MTERF1: variants seen among roughly 807,000 people sequenced by gnomAD.
MTERF1 encodes the protein transcription termination factor 1, mitochondrial.
MTERF1 carries 29 observed loss-of-function variants against 31.6 expected under a neutral mutation model. That is an observed-to-expected ratio of 0.92 (90% CI 0.68 to 1.25). The LOEUF is 1.25. Among genes scored for constraint, MTERF1 ranks in the 50% most tolerant of loss-of-function variants. MTERF1 has a pLI of 0.00. For missense variants in MTERF1, 500 were observed against 469.1 expected (o/e 1.07, Z -0.61); for synonymous variants, 152 against 164.1 (o/e 0.93, Z 0.57).
chr7:91,873,884 C>T lies in MTERF1; in HGVS notation c.910G>A (p.Gly304Arg). Residue 304 changes from glycine to arginine, a missense_variant, in exon 3 of 3, where the codon GGA (glycine) becomes AGA (arginine). Coordinates refer to ENST00000351870, the MANE Select transcript of MTERF1 (RefSeq NM_006980.5). ...ANIKEKLFSL[G>R]CTEEEVQKFV... ...TTCTGTACCTCTTCTTCAGTACATC[C>T]AAGAGAAAACAGCTTCTCTTTGATG... is the stretch of plus-strand genomic sequence containing the variant. 6.2e-7 allele frequency: 1 copy of T among 1,614,008 alleles called. No homozygotes were observed. The highest frequency in any genetic ancestry group is 8.5e-7 in the Non-Finnish European group (1 of 1,180,022).
chr7:91,877,004 G>C lies in MTERF1; in HGVS notation c.30-2240C>G, dbSNP rs111934145. 1.3e-5 allele frequency: 11 copies of C among 859,912 alleles called. 1 individual carries two copies. The highest frequency in any genetic ancestry group is 1.3e-4 in the African/African-American group (7 of 54,752). 53.3% of individuals were successfully genotyped at this position (859,912 alleles called of 1,614,324 possible). On this transcript the variant is annotated intron_variant, in intron 2 of 2. Coordinates refer to ENST00000351870, the MANE Select transcript of MTERF1 (RefSeq NM_006980.5). ...CTAGAGAGGTCCAAGATGATACAAT[G>C]GGATGGAGGAAGAAAATAGTTAAAA...
intron 2 of MTERF1, among the ~76,000 whole-genome samples, chr7:91,876,159 T>C (rs1310851715): frequency 6.6e-6 from 1 of 152,234 alleles, no homozygotes. Context: ...AACTTATTTA[T>C]AATCATAACC....
chr7:91,880,338 G>T (rs79868287), intron 1 of MTERF1: 8 of 486,382 alleles, frequency 1.6e-5, no homozygotes, highest in Non-Finnish European at 2.6e-5. Context: ...TTGTACCAAA[G>T]CTAAGTGCTT....
At position 91,873,010 on chromosome 7, in the gene MTERF1, TATA is replaced by T. The variant is rs1481875760; in HGVS notation, c.*581_*583del. On this transcript the variant is annotated 3_prime_UTR_variant, in exon 3 of 3. Transcript: ENST00000351870. ...CAGAAGGGTAGGTAGATTTTTTAAATATAATTACTCTTATAAAAGGAAGAAATA... is the reference window on the plus strand; with the variant it reads ...CAGAAGGGTAGGTAGATTTTTTAAATATTACTCTTATAAAAGGAAGAAATA... 2.0e-5 allele frequency: 3 copies of T among 152,222 alleles called. No homozygotes were observed. Among genetic ancestry groups the T allele is most frequent in the African/African-American group, 7.2e-5 (3 of 41,454 alleles). 9.4% of individuals were successfully genotyped at this position (152,222 alleles called of 1,614,324 possible). A position where few individuals can be genotyped will look rare whatever the true frequency, so the allele number is the denominator to read the frequency against.
chr7:91,874,973 T>G (rs1369263639), intron 2 of MTERF1, among the ~76,000 whole-genome samples: 1 of 151,800 alleles, frequency 6.6e-6, no homozygotes. Flanking sequence ...CTTTGAAAAA[T>G]TCTACATGTT....
At position 91,873,478 on chromosome 7, in the gene MTERF1, TA is replaced by T; in HGVS notation, c.*115del. 1.1e-6 allele frequency: 1 copy of T among 893,908 alleles called. No individual in the cohort carries two copies. Among genetic ancestry groups the T allele is most frequent in the Non-Finnish European group, 1.7e-6 (1 of 603,792 alleles). The allele number at this position is 893,908 out of a possible 1,614,324, so 55.4% of individuals were successfully genotyped here. The stretch of plus-strand genomic sequence containing the variant: ...TTAGGCCCTCCAAAGTAATTCAGGA[TA>T]ATCTCCCCATCTCAAGGCCCTTAAT... On this transcript the variant is annotated 3_prime_UTR_variant, in exon 3 of 3. Coordinates refer to ENST00000351870, the MANE Select transcript of MTERF1 (RefSeq NM_006980.5).
At position 91,873,446 on chromosome 7, in the gene MTERF1, AATTAT is replaced by A. The variant is rs1241349049; in HGVS notation, c.*143_*147del. ...CTCTTCAACTTTTAAAGATCCCTAC[AATTAT>A]ATTAGGCCCTCCAAAGTAATTCAGG... On this transcript the variant is annotated 3_prime_UTR_variant, in exon 3 of 3. Transcript: ENST00000351870. 3 of 704,450 alleles carry A rather than the reference AATTAT, an allele frequency of 4.3e-6. No individual in the cohort carries two copies. In the Admixed American group the frequency reaches 9.4e-5, roughly 22 times the overall value. 43.6% of individuals were successfully genotyped at this position (704,450 alleles called of 1,614,324 possible).
chr7:91,873,882 T>G lies in MTERF1; in HGVS notation c.912A>C (p.Gly304=). ...ANIKEKLFSL[G]CTEEEVQKFV... is the part of the protein sequence containing the mutation. ...ACTTCTGTACCTCTTCTTCAGTACA[T>G]CCAAGAGAAAACAGCTTCTCTTTGA... The change falls in exon 3 of 3, where the codon GGA becomes GGC. Residue 304 remains glycine (G), a synonymous_variant. Coordinates refer to ENST00000351870, the MANE Select transcript of MTERF1 (RefSeq NM_006980.5). 6.2e-7 allele frequency: 1 copy of G among 1,614,110 alleles called. No homozygotes were observed.
rs1262701551 is a variant in MTERF1 at position 91,874,421 on chromosome 7, T to C, written c.373A>G (p.Ile125Val). The change falls in exon 3 of 3, where the codon ATA becomes GTA. Residue 125 changes from isoleucine (I) to valine (V), a missense_variant. Transcript: ENST00000351870. ...GASKEVIASI[I>V]SRYPRAITRT... ...GTTATTGCTCGTGGATATCTTGATA[T>C]GATGCTAGCGATCACTTCTTTGCTA... 6.2e-7 allele frequency: 1 copy of C among 1,614,150 alleles called. No individual in the cohort carries two copies. Among genetic ancestry groups the C allele is most frequent in the Non-Finnish European group, 8.5e-7 (1 of 1,180,014 alleles).
chr7:91,878,589 T>C (rs543877400), intron 2 of MTERF1, among the ~76,000 whole-genome samples: 19 of 152,260 alleles, frequency 1.2e-4, no homozygotes, highest in Admixed American at 1.2e-3. Flanking sequence ...AATGCCAGCA[T>C]TTTGGAAAGC....
At chr7:91,879,190 A>G (rs1372386026) in intron 2 of MTERF1, among the ~76,000 whole-genome samples, 1 of 152,164 alleles carries the variant, frequency 6.6e-6, no homozygotes, top group African/African-American at 2.4e-5. Flanking sequence ...AAGGATGACC[A>G]TCATAACATT....
At position 91,871,902 on chromosome 7, in the gene MTERF1, T is replaced by C. The variant is rs1006640390; in HGVS notation, c.*1692A>G. The C allele has an allele frequency of 1.3e-5, 2 of 152,230 alleles. No individual in the cohort carries two copies. The highest frequency in any genetic ancestry group is 2.9e-5 in the Non-Finnish European group (2 of 68,056). 9.4% of individuals were successfully genotyped at this position (152,230 alleles called of 1,614,324 possible). ...AGGTGACTGGATCATAAGGGCTATG[T>C]CATCAGAAATTGATTAATCTATTCA... On this transcript the variant is annotated 3_prime_UTR_variant, in exon 3 of 3. Coordinates refer to ENST00000351870, the MANE Select transcript of MTERF1 (RefSeq NM_006980.5).
intron 2 of MTERF1, among the ~76,000 whole-genome samples, chr7:91,876,012 T>A (rs1389613624): frequency 6.6e-6 from 1 of 152,214 alleles, no homozygotes; most frequent in Admixed American, 6.5e-5. Flanking sequence ...CCCTTCTCCA[T>A]CACCATATTA....
rs373525668 is a variant in MTERF1, at chr7:91,875,174, C to T, written c.30-410G>A. ...GAATTGTTCTTGCTTTTTTCTTGCTCTTTTTGTTTACCTTTGCCTGCCTTG... is the reference window on the plus strand; with the variant it reads ...GAATTGTTCTTGCTTTTTTCTTGCTTTTTTTGTTTACCTTTGCCTGCCTTG... On this transcript the variant is annotated intron_variant, in intron 2 of 2. Transcript: ENST00000351870. 2.5e-4 allele frequency among the ~76,000 whole-genome samples: 38 copies of T among 152,220 alleles called. No homozygotes were observed. The South Asian group carries it at 7.5e-3, about 30-fold the overall frequency.
chr7:91,880,237 T>A (rs2269811), intron 1 of MTERF1, 124 bp from the exon 2 acceptor site: 1 of 698,148 alleles, frequency 1.4e-6, no homozygotes, highest in Non-Finnish European at 2.4e-6. Context: ...CATTACCTCT[T>A]GCAAACAACA....
At chr7:91,879,987 C>A in intron 2 of MTERF1, 68 bp downstream of exon 2, 1 of 1,580,030 alleles carries the variant, frequency 6.3e-7, no homozygotes, top group South Asian at 1.1e-5. Context: ...CCCTAAAATA[C>A]CACATTCCAG....
At position 91,873,777 on chromosome 7, in the gene MTERF1, G is replaced by GT; in HGVS notation, c.1016dup (p.Asn339LysfsTer3). 1 of 1,614,062 alleles carries GT rather than the reference G, an allele frequency of 6.2e-7. No homozygotes were observed. Among genetic ancestry groups the GT allele is most frequent in the South Asian group, 1.1e-5 (1 of 91,076 alleles). On this transcript the variant is annotated frameshift_variant, in exon 3 of 3. Transcript: ENST00000351870. LOFTEE classifies it high-confidence loss of function. ...TTTCGATTATTTGTGAAATGCTAAT[G>GT]TTTTCTTCCATGAGGCAGTCTATTT...
At chr7:91,874,869 C>G (rs916637165) in intron 2 of MTERF1, 105 bp from the exon 3 acceptor site, 3 of 744,346 alleles carry the variant, frequency 4.0e-6, no homozygotes, top group Non-Finnish European at 6.4e-6. Flanking sequence ...TGAGAATATA[C>G]CTTCAGCTCC....
chr7:91,875,413 C>A (rs532417210), intron 2 of MTERF1, among the ~76,000 whole-genome samples: 26 of 152,014 alleles, frequency 1.7e-4, no homozygotes, highest in Non-Finnish European at 3.7e-4. Context: ...ACACGCCCAG[C>A]TGATTTTTTA....
Sources: allele counts gnomAD v4.1 joint callset (sites outside exome capture counted in the v4.1 genomes callset), GRCh38; gene constraint gnomAD v4.1.1; transcripts MANE v1.5; gene names NCBI Gene and HGNC (gene_info 2026-07-23, HGNC 2026-07-21).